The following NPSR1 variants were observed in gnomAD, a reference collection of about 807,000 sequenced individuals.
NPSR1 encodes neuropeptide S receptor.
A neutral mutation model predicts 46.9 loss-of-function variants in NPSR1; 48 were observed. The ratio of observed to expected loss-of-function variants is 1.02; its 90% confidence interval spans 0.81 to 1.30. The LOEUF is 1.30. Among genes scored for constraint, NPSR1 ranks in the 50% most tolerant of loss-of-function variants. The pLI, the probability that NPSR1 is intolerant of heterozygous loss-of-function variation, is 0.00. For missense variants in NPSR1, 450 were observed against 449.5 expected, an observed-to-expected ratio of 1.00 and a Z score of -0.01; for synonymous variants, 176 against 168.1, an observed-to-expected ratio of 1.05 and a Z score of -0.36.
intron 6 of NPSR1, among the ~76,000 whole-genome samples, chr7:34,843,582 T>A (rs1053614473): frequency 3.3e-5 from 5 of 152,252 alleles, no homozygotes; most frequent in Admixed American, 6.5e-5. Flanking sequence ...TGATCTTTCA[T>A]GCTGGATTGA....
intron 8 of NPSR1, among the ~76,000 whole-genome samples, chr7:34,869,637 C>G (rs563835012): frequency 6.6e-6 from 1 of 151,928 alleles, no homozygotes; most frequent in Admixed American, 6.5e-5. Context: ...GGCCTTATAA[C>G]AGCCTCCATC....
chr7:34,830,806 C>G (rs1790080429), intron 5 of NPSR1, among the ~76,000 whole-genome samples: 1 of 152,150 alleles, frequency 6.6e-6, no homozygotes, highest in South Asian at 2.1e-4. Flanking sequence ...AGGACAAGAT[C>G]TACTTGTTTT....
At chr7:34,824,382 C>T (rs1298073161) in intron 4 of NPSR1, among the ~76,000 whole-genome samples, 1 of 152,172 alleles carries the variant, frequency 6.6e-6, no homozygotes, top group South Asian at 2.1e-4. Context: ...ATGAGACAGT[C>T]TACCTTATAT....
chr7:34,835,542 G>T (rs1790325317), intron 6 of NPSR1, among the ~76,000 whole-genome samples: 1 of 152,188 alleles, frequency 6.6e-6, no homozygotes, highest in Non-Finnish European at 1.5e-5. Context: ...GTTGGACCAA[G>T]ACAGAGCTTG....
At chr7:34,783,940 G>C (rs951071143) in intron 3 of NPSR1, among the ~76,000 whole-genome samples, 6 of 151,666 alleles carry the variant, frequency 4.0e-5, no homozygotes, top group African/African-American at 1.5e-4. Context: ...TAGAGAGAAA[G>C]ATTTCCCCAG....
chr7:34,780,342 G>T (rs370297757), intron 3 of NPSR1, among the ~76,000 whole-genome samples: 135 of 152,202 alleles, frequency 8.9e-4, no homozygotes, highest in African/African-American at 3.2e-3. Context: ...ACTTTAAAAT[G>T]TCTTCTTGAT....
chr7:34,679,339 G>C (rs1016403662), intron 1 of NPSR1, among the ~76,000 whole-genome samples: 4 of 151,930 alleles, frequency 2.6e-5, no homozygotes, highest in Non-Finnish European at 4.4e-5. Flanking sequence ...AGAAATACTT[G>C]GTAGCAAATG....
At chr7:34,862,418 G>T (rs1290693742) in intron 8 of NPSR1, among the ~76,000 whole-genome samples, 1 of 151,750 alleles carries the variant, frequency 6.6e-6, no homozygotes, top group African/African-American at 2.4e-5. Flanking sequence ...TGTTCCTCCA[G>T]TCTTAGGAAT....
At chr7:34,733,745 A>C (rs1207657373) in intron 2 of NPSR1, among the ~76,000 whole-genome samples, 1 of 152,206 alleles carries the variant, frequency 6.6e-6, no homozygotes, top group African/African-American at 2.4e-5. Flanking sequence ...TTACTTTTGC[A>C]TTTATAGAAT....
At chr7:34,779,899 A>G (rs1251373830) in intron 3 of NPSR1, 1 of 160,462 alleles carries the variant, frequency 6.2e-6, no homozygotes, top group Non-Finnish European at 1.4e-5. Context: ...ATAAAGGCTT[A>G]TCAAAAGGTT....
At chr7:34,873,602 T>C (rs1791507881) in intron 8 of NPSR1, among the ~76,000 whole-genome samples, 1 of 151,574 alleles carries the variant, frequency 6.6e-6, no homozygotes, top group Non-Finnish European at 1.5e-5. Context: ...TATCACACTC[T>C]TTTAAACAAC....
chr7:34,714,680 G>A (rs1388489657), intron 2 of NPSR1, among the ~76,000 whole-genome samples: 1 of 152,152 alleles, frequency 6.6e-6, no homozygotes, highest in Non-Finnish European at 1.5e-5. Flanking sequence ...TTTACCTAGT[G>A]GGGGTCTACA....
At chr7:34,804,991 A>G (rs1179652909) in intron 3 of NPSR1, among the ~76,000 whole-genome samples, 1 of 151,938 alleles carries the variant, frequency 6.6e-6, no homozygotes, top group East Asian at 1.9e-4. Context: ...AATATATACA[A>G]GATCTATTGA....
At chr7:34,751,217 C>A in intron 2 of NPSR1, 1 of 1,121,896 alleles carries the variant, frequency 8.9e-7, no homozygotes, top group Non-Finnish European at 1.4e-6. Flanking sequence ...ATGGCCAGAT[C>A]CCCAGTGGCA....
chr7:34,847,678 G>A (rs1790786915), intron 7 of NPSR1, among the ~76,000 whole-genome samples: 1 of 152,150 alleles, frequency 6.6e-6, no homozygotes, highest in Middle Eastern at 3.2e-3. Flanking sequence ...TATGACTCAG[G>A]CCTTCAACAG....
chr7:34,795,756 G>C (rs553966400), intron 3 of NPSR1, among the ~76,000 whole-genome samples: 1 of 152,134 alleles, frequency 6.6e-6, no homozygotes, highest in African/African-American at 2.4e-5. Context: ...AGTAATCAAA[G>C]AAAAACTAAA....
At chr7:34,807,995 A>G (rs1788794038) in intron 3 of NPSR1, among the ~76,000 whole-genome samples, 1 of 152,062 alleles carries the variant, frequency 6.6e-6, no homozygotes, top group Non-Finnish European at 1.5e-5. Context: ...CAAATTAAAG[A>G]TCTTAAAACT....
At chr7:34,689,286 C>A (rs910042295) in intron 2 of NPSR1, among the ~76,000 whole-genome samples, 1 of 152,136 alleles carries the variant, frequency 6.6e-6, no homozygotes, top group Admixed American at 6.5e-5. Context: ...CACCTACTGG[C>A]CTGGAGGTTG....
At chr7:34,669,175 G>A (rs902474944) in intron 1 of NPSR1, among the ~76,000 whole-genome samples, 6 of 152,142 alleles carry the variant, frequency 3.9e-5, no homozygotes, top group African/African-American at 1.4e-4. Flanking sequence ...CAGTTGTCAG[G>A]GGAATATGAA....
Sources: allele counts gnomAD v4.1 joint callset (sites outside exome capture counted in the v4.1 genomes callset), GRCh38; gene constraint gnomAD v4.1.1; transcripts MANE v1.5; gene names NCBI Gene and HGNC (gene_info 2026-07-23, HGNC 2026-07-21).